FBXW5: variants seen among roughly 807,000 people sequenced by gnomAD.
FBXW5 encodes the protein F-box/WD repeat-containing protein 5.
Under a neutral mutation model 50.9 loss-of-function variants are expected in FBXW5, and 74 were observed. The ratio of observed to expected loss-of-function variants is 1.45; its 90% CI spans 1.20 to 1.76. FBXW5 has a LOEUF of 1.76. Among genes scored for constraint, FBXW5 ranks in the 40% most tolerant of loss-of-function variants. FBXW5 has a pLI of 0.00. For missense variants in FBXW5, 1,073 were observed against 818.8 expected (o/e 1.31, Z -3.79); for synonymous variants, 523 against 362.2 (o/e 1.44, Z -5.04).
At chr9:136,944,196 C>T (rs1224581304) in intron 1 of FBXW5, 90 bp from the exon 2 acceptor site, 20 of 1,357,466 alleles carry the variant, frequency 1.5e-5, no homozygotes, top group Non-Finnish European at 2.0e-5. Flanking sequence ...ACCGTCCCGC[C>T]GGGAGTTCCA....
rs774452686 is a variant in FBXW5 at position 136,944,040 on chromosome 9, T to C, written c.44A>G (p.Tyr15Cys). The stretch of plus-strand genomic sequence containing the variant: ...CGGGCCCAGGCTCAGGAAGATCTGG[T>C]AGACCAGGCTGTCGGGGAGCAGGGG... ...GTPLLPDSLV[Y>C]QIFLSLGPAD... The change falls in exon 2 of 9, where the codon TAC (tyrosine) becomes TGC (cysteine). Residue 15 changes from tyrosine to cysteine, a missense_variant. Coordinates refer to ENST00000325285, the MANE Select transcript of FBXW5 (RefSeq NM_018998.4). 2.5e-6 allele frequency: 4 copies of C among 1,604,454 alleles called. No individual in the cohort carries two copies. The East Asian group carries it at 6.8e-5, about 27-fold the overall frequency.
At position 136,942,996 on chromosome 9, in the gene FBXW5, G is replaced by A. The variant is rs760513187; in HGVS notation, c.352-53C>T. Reference sequence around the variant, plus strand: ...CGCCTGGCCAGGTCGCGGGGCGGGGGCCTGCTACTACACAGCCATGAGGCC... The same window carrying A: ...CGCCTGGCCAGGTCGCGGGGCGGGGACCTGCTACTACACAGCCATGAGGCC... On this transcript the variant is annotated intron_variant, in intron 3 of 8. Transcript: ENST00000325285. 8 of 1,607,340 alleles carry A rather than the reference G, an allele frequency of 5.0e-6. No homozygotes were observed. In the African/African-American group the frequency reaches 5.3e-5, roughly 11 times the overall value.
In FBXW5 at chr9:136,940,854, C is replaced by T. The variant is rs2131350296; in HGVS notation, c.*74G>A. 2 of 1,511,368 alleles carry T rather than the reference C, an allele frequency of 1.3e-6. No homozygotes were observed. Among genetic ancestry groups the T allele is most frequent in the South Asian group, 2.5e-5 (2 of 81,036 alleles). 93.6% of individuals were successfully genotyped at this position (1,511,368 alleles called of 1,614,324 possible). On this transcript the variant is annotated 3_prime_UTR_variant, in exon 9 of 9. Transcript: ENST00000325285. The stretch of plus-strand genomic sequence containing the variant: ...ACTGCTATAAGCATCTCCACCTCTC[C>T]CGCTCGGGAAAAAGCCACAGAGCCT...
Position 136,940,488 on chromosome 9 carries a change from AAC to A in FBXW5, c.*438_*439del, listed in dbSNP as rs939718935. On this transcript the variant is annotated 3_prime_UTR_variant, in exon 9 of 9. Coordinates refer to ENST00000325285, the MANE Select transcript of FBXW5 (RefSeq NM_018998.4). ...CTGAACGGGTGGTGCGTGGACATGC[AAC>A]ACACTCGGGCCCACAGCAGCGTGAC... The A allele has an allele frequency of 2.5e-5, 6 of 244,148 alleles. No individual in the cohort carries two copies. Among genetic ancestry groups the A allele is most frequent in the Non-Finnish European group, 4.1e-5 (5 of 121,730 alleles). 15.1% of individuals were successfully genotyped at this position (244,148 alleles called of 1,614,324 possible).
intron 6 of FBXW5, 148 bp from the exon 7 acceptor site, chr9:136,941,832 C>G: frequency 2.1e-6 from 3 of 1,439,246 alleles, no homozygotes. Context: ...AGACCTGAAT[C>G]AGGCCCGTCG....
rs369335095 is a variant in FBXW5 at position 136,941,125 on chromosome 9, T to C, written c.1504A>G (p.Ile502Val). Residue 502 changes from isoleucine to valine, a missense_variant, in exon 9 of 9, where the codon ATC becomes GTC. Ile to Val is a conservative substitution (Grantham distance 29). Coordinates refer to ENST00000325285, the MANE Select transcript of FBXW5 (RefSeq NM_018998.4). ...TCGTGCCGCAGCCTGGCCAGACAGA[T>C]GTTGTAGTGGCGGTCCCAGATGTAG... ...HGYIWDRHYNICLARLRHEDV... is the reference protein window; with the variant it reads ...HGYIWDRHYNVCLARLRHEDV... 67 of 1,601,642 alleles carry C rather than the reference T, an allele frequency of 4.2e-5. No individual in the cohort carries two copies. The highest frequency in any genetic ancestry group is 1.7e-5 in the Admixed American group (1 of 58,286).
At position 136,942,045 on chromosome 9, in the gene FBXW5, C is replaced by G; in HGVS notation, c.1096+1G>C. ...CGGGCAGCATGGCGGCAGGGGTGTA[C>G]CGATCTGGTGTGGGGAGTAGGTGAG... On this transcript the variant is annotated splice_donor_variant, in intron 6 of 8. Coordinates refer to ENST00000325285, the MANE Select transcript of FBXW5 (RefSeq NM_018998.4). LOFTEE classifies it high-confidence loss of function. The G allele has an allele frequency of 6.2e-7, 1 of 1,601,786 alleles. No homozygotes were observed.
chr9:136,942,736 C>T (rs367779676), intron 4 of FBXW5, 33 bp downstream of exon 4: 300 of 1,611,174 alleles, frequency 1.9e-4, no homozygotes, highest in Non-Finnish European at 2.4e-4. Context: ...CGGCGTGGGG[C>T]GGGGGCAGGG....
chr9:136,941,194 G>A (rs1850744525), intron 8 of FBXW5, 23 bp from the exon 9 acceptor site: 1 of 1,597,824 alleles, frequency 6.3e-7, no homozygotes, highest in African/African-American at 1.3e-5. Flanking sequence ...GCCTGGGTGA[G>A]CCGGCCGCCC....
chr9:136,943,236 C>G (rs531572627), intron 3 of FBXW5, 113 bp downstream of exon 3: 1 of 1,304,464 alleles, frequency 7.7e-7, no homozygotes, highest in East Asian at 2.4e-5. Flanking sequence ...GCTGTCACCT[C>G]TGGCCTGACC....
rs763157526 is a variant in FBXW5, at chr9:136,940,937, C to A, written c.1692G>T (p.Gln564His). 1.3e-6 allele frequency: 2 copies of A among 1,576,578 alleles called. No homozygotes were observed. The highest frequency in any genetic ancestry group is 1.7e-6 in the Non-Finnish European group (2 of 1,162,600). ...PRTFFSWLAS[Q>H]RR ...GTGCACCCAGCACACCTCAGCGCCT[C>A]TGGCTGGCAAGCCAGGAGAAGAAGG... The change falls in exon 9 of 9, where the codon CAG (glutamine) becomes CAT (histidine). Residue 564 changes from glutamine (Q) to histidine (H), a missense_variant. Gln to His is a conservative substitution (Grantham distance 24, BLOSUM62 0). Transcript: ENST00000325285.
Position 136,942,871 on chromosome 9 carries a change from G to A in FBXW5, c.424C>T (p.Gln142Ter). ...TCGTCCTTGTTGAACTGGGAGAACT[G>A]GGTGTAGCTCCAGTTGTAGGGCCGC... ...DMRPYNWSYT[Q>*]FSQFNKDDSL... The change falls in exon 4 of 9, where the codon CAG becomes TAG. Residue 142 changes from glutamine (Q) to a stop codon, truncating the protein, a stop_gained. Coordinates refer to ENST00000325285, the MANE Select transcript of FBXW5 (RefSeq NM_018998.4). LOFTEE classifies it high-confidence loss of function. 6.2e-7 allele frequency: 1 copy of A among 1,613,598 alleles called. No homozygotes were observed. The highest frequency in any genetic ancestry group is 8.5e-7 in the Non-Finnish European group (1 of 1,180,006).
At position 136,942,347 on chromosome 9, in the gene FBXW5, C is replaced by T. The variant is rs1486878800; in HGVS notation, c.795G>A (p.Leu265=). The T allele has an allele frequency of 3.7e-6, 6 of 1,606,284 alleles. No homozygotes were observed. The highest frequency in any genetic ancestry group is 5.1e-6 in the Non-Finnish European group (6 of 1,177,156). ...ADCSRFDSPD[L]LLEAGDPATS... Reference sequence around the variant, plus strand: ...TGGCCGGGTCACCGGCTTCCAGCAGCAGGTCAGGGCTGTCGAAGCGGCTGC... The same window carrying T: ...TGGCCGGGTCACCGGCTTCCAGCAGTAGGTCAGGGCTGTCGAAGCGGCTGC... Residue 265 remains leucine, a synonymous_variant, in exon 6 of 9, where the codon CTG becomes CTA. Coordinates refer to ENST00000325285, the MANE Select transcript of FBXW5 (RefSeq NM_018998.4).
chr9:136,943,817 C>G, intron 2 of FBXW5, 74 bp downstream of exon 2: 3 of 1,479,362 alleles, frequency 2.0e-6, no homozygotes, highest in Non-Finnish European at 2.7e-6. Flanking sequence ...GGCCCCCAGC[C>G]AGGCTGACCC....
rs1850721065 is a variant in FBXW5, at chr9:136,940,818, C to G, written c.*110G>C. ...TGTGGCGGGGCCTGGTTGTCCCCTT[C>G]CTAAGGCGTAACTGCTATAAGCATC... On this transcript the variant is annotated 3_prime_UTR_variant, in exon 9 of 9. Coordinates refer to ENST00000325285, the MANE Select transcript of FBXW5 (RefSeq NM_018998.4). 7.0e-7 allele frequency: 1 copy of G among 1,436,028 alleles called. No homozygotes were observed. Among genetic ancestry groups the G allele is most frequent in the Non-Finnish European group, 9.2e-7 (1 of 1,084,300 alleles). The allele number at this position is 1,436,028 out of a possible 1,614,324, so 89.0% of individuals were successfully genotyped here.
chr9:136,944,629 T>C lies in FBXW5; in HGVS notation c.-59A>G. 1.0e-6 allele frequency: 1 copy of C among 984,148 alleles called. No homozygotes were observed. Among genetic ancestry groups the C allele is most frequent in the Non-Finnish European group, 1.2e-6 (1 of 829,162 alleles). The allele number at this position is 984,148 out of a possible 1,614,324, so 61.0% of individuals were successfully genotyped here. On this transcript the variant is annotated 5_prime_UTR_variant, in exon 1 of 9. Transcript: ENST00000325285. ...TCCGCCCGCTGCGCCGCCCCCGCCC[T>C]GCGCGACCCGGACCCGCTTCCGCTG... is the stretch of plus-strand genomic sequence containing the variant.
rs1850776354 is a variant in FBXW5, at chr9:136,941,685, C to T, written c.1097-1G>A. On this transcript the variant is annotated splice_acceptor_variant, in intron 6 of 8. Coordinates refer to ENST00000325285, the MANE Select transcript of FBXW5 (RefSeq NM_018998.4). LOFTEE classifies it high-confidence loss of function. ...TGGTGTGGCAGGATCTGCTTGATGC[C>T]TGCAGGGAGGGCTACGGTGAGGGTC... 1.9e-6 allele frequency: 3 copies of T among 1,555,562 alleles called. No individual in the cohort carries two copies. The highest frequency in any genetic ancestry group is 2.6e-6 in the Non-Finnish European group (3 of 1,150,768).
At chr9:136,943,210 T>C (rs562689697) in intron 3 of FBXW5, 139 bp downstream of exon 3, 2 of 1,214,032 alleles carry the variant, frequency 1.6e-6, no homozygotes, top group Non-Finnish European at 2.3e-6. Flanking sequence ...GTCCCTCCGC[T>C]GGATGCAGGG....
Position 136,941,005 on chromosome 9 carries a change from G to T in FBXW5, c.1624C>A (p.Arg542Ser). ...GGTGCCTGGAGGACGCGCATGGTGCGTGGGGAGCGCCAGGCTTTGATGGTG... is the reference window on the plus strand; with the variant it reads ...GGTGCCTGGAGGACGCGCATGGTGCTTGGGGAGCGCCAGGCTTTGATGGTG... Reference protein sequence around the residue: ...DATIKAWRSPRTMRVLQAPRP... With the variant: ...DATIKAWRSPSTMRVLQAPRP... The change falls in exon 9 of 9, where the codon CGC (arginine) becomes AGC (serine). Residue 542 changes from arginine (R) to serine (S), a missense_variant. Arg to Ser is a moderately radical substitution (Grantham distance 110). Transcript: ENST00000325285. 1 of 1,554,770 alleles carries T rather than the reference G, an allele frequency of 6.4e-7. No homozygotes were observed. The highest frequency in any genetic ancestry group is 8.7e-7 in the Non-Finnish European group (1 of 1,149,070).
Sources: allele counts gnomAD v4.1 joint callset, GRCh38; gene constraint gnomAD v4.1.1; transcripts MANE v1.5; gene names NCBI Gene and HGNC (gene_info 2026-07-23, HGNC 2026-07-21).